The following ASPRV1 variants were observed in gnomAD, a reference collection of about 807,000 sequenced individuals.
ASPRV1 encodes the protein retroviral-like aspartic protease 1.
In ASPRV1, 7 loss-of-function variants were observed where a neutral mutation model predicts 11.0. The observed-to-expected ratio is 0.64, with a 90% CI of 0.36 to 1.20. The LOEUF (loss-of-function observed/expected upper bound fraction) is 1.20. ASPRV1 is among the 50% of genes most tolerant of loss of function. The pLI is 0.02. For missense variants in ASPRV1, 299 were observed against 320.0 expected (o/e 0.93, Z 0.50); for synonymous variants, 136 against 138.4 (o/e 0.98, Z 0.12).
At chr2:70,029,965 G>C in the ASPRV1 span, 2 of 151,980 alleles carry the variant, frequency 1.3e-5, no homozygotes, top group Non-Finnish European at 2.9e-5. Context: ...CCTTTGCTCT[G>C]TTTTCAAGAT....
chr2:70,052,725 A>C, the ASPRV1 span, among the ~76,000 whole-genome samples: 3 of 152,240 alleles, frequency 2.0e-5, no homozygotes, highest in Non-Finnish European at 1.5e-5. Context: ...AAACCTCCAC[A>C]GAATCTGGAT....
the ASPRV1 span, among the ~76,000 whole-genome samples, chr2:70,010,269 A>G: frequency 1.3e-5 from 2 of 152,090 alleles, no homozygotes; most frequent in Non-Finnish European, 2.9e-5. Flanking sequence ...AGGGCACAAG[A>G]GTCCAGGTGT....
At chr2:70,022,346 AACACACACACACACTT>A in the ASPRV1 span, among the ~76,000 whole-genome samples, 23 of 138,606 alleles carry the variant, frequency 1.7e-4, no homozygotes, top group South Asian at 9.2e-4. Context: ...TTCTTACCAA[AACACACACACACACTT>A]ACACACACAC....
At chr2:69,985,975 T>G in the ASPRV1 span, among the ~76,000 whole-genome samples, 1 of 152,170 alleles carries the variant, frequency 6.6e-6, no homozygotes, top group East Asian at 1.9e-4. Context: ...AGGGGAAGTT[T>G]GGAATGGCCA....
chr2:69,950,612 C>A, the ASPRV1 span, among the ~76,000 whole-genome samples: 5 of 151,980 alleles, frequency 3.3e-5, no homozygotes, highest in Non-Finnish European at 7.4e-5. Flanking sequence ...GAGGCCAAGG[C>A]GGGTGGATCA....
At chr2:70,067,768 A>G in the ASPRV1 span, among the ~76,000 whole-genome samples, 1 of 152,218 alleles carries the variant, frequency 6.6e-6, no homozygotes, top group African/African-American at 2.4e-5. Context: ...CCAAATCACC[A>G]ATACATTACC....
At chr2:70,040,247 T>A in the ASPRV1 span, among the ~76,000 whole-genome samples, 1 of 152,134 alleles carries the variant, frequency 6.6e-6, no homozygotes, top group Non-Finnish European at 1.5e-5. Flanking sequence ...GGCACCCACC[T>A]ATGTAATCTC....
chr2:69,985,021 T>C, the ASPRV1 span, among the ~76,000 whole-genome samples: 5 of 152,072 alleles, frequency 3.3e-5, no homozygotes, highest in Non-Finnish European at 7.4e-5. Context: ...CACGCCCAGC[T>C]AATTTTTTGT....
the ASPRV1 span, chr2:70,087,295 G>A: frequency 8.4e-3 from 1,278 of 151,896 alleles, 19 homozygotes; most frequent in African/African-American, 0.029. Flanking sequence ...TCCGCCCATC[G>A]TGCGCTTCAT....
chr2:69,953,027 C>T, the ASPRV1 span, among the ~76,000 whole-genome samples: 27 of 152,224 alleles, frequency 1.8e-4, no homozygotes, highest in Admixed American at 9.2e-4. Context: ...AGGGGCTGCA[C>T]AGCGGGGTGA....
At chr2:70,046,086 T>C in the ASPRV1 span, 1 of 152,216 alleles carries the variant, frequency 6.6e-6, no homozygotes, top group African/African-American at 2.4e-5. Flanking sequence ...GATTGCTGAA[T>C]GTCACACCTC....
chr2:69,951,775 G>T, the ASPRV1 span, among the ~76,000 whole-genome samples: 2 of 152,060 alleles, frequency 1.3e-5, no homozygotes, highest in East Asian at 3.9e-4. Flanking sequence ...GGTTTTAGGG[G>T]TTTTTTCTCT....
the ASPRV1 span, among the ~76,000 whole-genome samples, chr2:70,061,471 G>C: frequency 6.6e-6 from 1 of 151,894 alleles, no homozygotes; most frequent in Non-Finnish European, 1.5e-5. Context: ...GTTCCAGGCA[G>C]AGGCTATACA....
the ASPRV1 span, chr2:69,996,649 C>CA: frequency 2.2e-6 from 1 of 450,014 alleles, no homozygotes; most frequent in South Asian, 1.6e-5. Flanking sequence ...AATGCAAATG[C>CA]TTCTGAGAGA....
the ASPRV1 span, among the ~76,000 whole-genome samples, chr2:70,066,291 T>C: frequency 6.6e-6 from 1 of 151,210 alleles, no homozygotes. Flanking sequence ...CAGGCTGGAG[T>C]ACAATGGCGC....
At chr2:69,996,072 T>C in the ASPRV1 span, among the ~76,000 whole-genome samples, 1 of 151,930 alleles carries the variant, frequency 6.6e-6, no homozygotes, top group Admixed American at 6.6e-5. Flanking sequence ...CCTGTTTTCC[T>C]TTTTTCAGTT....
upstream of ASPRV1, chr2:69,964,653 C>G (rs1678275045): frequency 4.7e-6 from 1 of 214,108 alleles, no homozygotes; most frequent in South Asian, 6.6e-5. Context: ...GCGGGACACC[C>G]TCATTATCAC....
the ASPRV1 span, among the ~76,000 whole-genome samples, chr2:70,051,834 G>C: frequency 6.6e-6 from 1 of 152,008 alleles, no homozygotes; most frequent in Non-Finnish European, 1.5e-5. Context: ...AAATAGCTGG[G>C]TGAAGCAGCA....
chr2:70,043,140 G>T, the ASPRV1 span, among the ~76,000 whole-genome samples: 1 of 152,120 alleles, frequency 6.6e-6, no homozygotes, highest in Non-Finnish European at 1.5e-5. Context: ...TCTCTCTTTG[G>T]AAGAACTCAG....
Sources: gnomAD v4.1 joint callset for allele counts (sites outside exome capture counted in the v4.1 genomes callset) on GRCh38, gnomAD v4.1.1 for gene constraint, MANE v1.5 for transcripts, NCBI Gene and HGNC (gene_info 2026-07-23, HGNC 2026-07-21) for gene names.